Variants in TMEM150C observed in about 807,000 individuals in gnomAD.
TMEM150C encodes the protein tentonin 3.
Under a neutral mutation model 29.9 loss-of-function variants are expected in TMEM150C, and 10 were observed. The observed-to-expected ratio is 0.33, with a 90% CI of 0.21 to 0.57. The LOEUF (loss-of-function observed/expected upper bound fraction) is 0.57. Ranked by LOEUF, TMEM150C falls within the 20% of genes least tolerant of loss-of-function variation. TMEM150C has a pLI of 0.88. For synonymous variants in TMEM150C, 101 were observed against 112.5 expected (o/e 0.90, Z 0.64); for missense variants, 251 against 303.6 (o/e 0.83, Z 1.29).
At chr4:82,522,288 T>C (rs528823233) in intron 1 of TMEM150C, among the ~76,000 whole-genome samples, 1 of 152,230 alleles carries the variant, frequency 6.6e-6, no homozygotes, top group African/African-American at 2.4e-5. Flanking sequence ...TGAAACAATG[T>C]AGAGAGACGA....
At chr4:82,498,015 T>C (rs1477883085) in intron 5 of TMEM150C, among the ~76,000 whole-genome samples, 1 of 92,850 alleles carries the variant, frequency 1.1e-5, no homozygotes, top group Non-Finnish European at 1.9e-5. Flanking sequence ...GACAGCACAC[T>C]TAATTTTTTT....
Position 82,485,250 on chromosome 4 carries a change from A to G in TMEM150C, c.*261T>C, listed in dbSNP as rs1723120867. On this transcript the variant is annotated 3_prime_UTR_variant, in exon 8 of 8. Transcript: ENST00000449862. ...GGAGGGAGTGCTGGGAAGGGGACGG[A>G]TAAGAAGTGATCATGCACAAGCTTC... 2 of 435,046 alleles carry G rather than the reference A, an allele frequency of 4.6e-6. No individual in the cohort carries two copies. The highest frequency in any genetic ancestry group is 8.5e-6 in the Non-Finnish European group (2 of 235,116). The allele number at this position is 435,046 out of a possible 1,614,324, so 26.9% of individuals were successfully genotyped here.
chr4:82,550,374 C>T (rs1247677580), intron 1 of TMEM150C, among the ~76,000 whole-genome samples: 1 of 152,162 alleles, frequency 6.6e-6, no homozygotes, highest in Non-Finnish European at 1.5e-5. Context: ...AAATTACCCA[C>T]TCTTGGGCCG....
At chr4:82,520,816 T>C (rs1320804523) in intron 1 of TMEM150C, among the ~76,000 whole-genome samples, 1 of 152,158 alleles carries the variant, frequency 6.6e-6, no homozygotes, top group Non-Finnish European at 1.5e-5. Flanking sequence ...GAGGATACAA[T>C]AAGCACTATG....
chr4:82,537,207 G>A (rs1339206836), intron 1 of TMEM150C, among the ~76,000 whole-genome samples: 6 of 151,980 alleles, frequency 3.9e-5, no homozygotes, highest in African/African-American at 7.2e-5. Flanking sequence ...GGATGGTCTC[G>A]ATCTCCTGAC....
chr4:82,553,820 C>A (rs1353259613), intron 1 of TMEM150C, among the ~76,000 whole-genome samples: 1 of 152,200 alleles, frequency 6.6e-6, no homozygotes, highest in Non-Finnish European at 1.5e-5. Context: ...ATAACTGTAT[C>A]ATTCTGCGAA....
At chr4:82,498,706 G>A (rs1214067856) in intron 5 of TMEM150C, among the ~76,000 whole-genome samples, 1 of 152,118 alleles carries the variant, frequency 6.6e-6, no homozygotes, top group Non-Finnish European at 1.5e-5. Context: ...TTCCTGAAAT[G>A]GCTCTTCATG....
intron 6 of TMEM150C, among the ~76,000 whole-genome samples, chr4:82,492,328 A>G (rs1422477324): frequency 2.6e-5 from 4 of 151,596 alleles, no homozygotes; most frequent in Non-Finnish European, 4.4e-5. Context: ...GGGTTTCACC[A>G]TGTTGACCAG....
At chr4:82,557,373 G>A (rs916187082) in intron 1 of TMEM150C, among the ~76,000 whole-genome samples, 1 of 152,080 alleles carries the variant, frequency 6.6e-6, no homozygotes, top group Non-Finnish European at 1.5e-5. Flanking sequence ...TGGAGCCAGG[G>A]GTACCCATTT....
rs1723100139 is a variant in TMEM150C at position 82,484,580 on chromosome 4, A to C, written c.*931T>G. The C allele has an allele frequency of 6.6e-6, 1 of 152,008 alleles. No homozygotes were observed. 9.4% of individuals were successfully genotyped at this position (152,008 alleles called of 1,614,324 possible). On this transcript the variant is annotated 3_prime_UTR_variant, in exon 8 of 8. Transcript: ENST00000449862. ...CCATATTTCTTTCCATTTTTCTGTGATATTTTCTTAGCTTCCCACGTAAGC... is the reference window on the plus strand; with the variant it reads ...CCATATTTCTTTCCATTTTTCTGTGCTATTTTCTTAGCTTCCCACGTAAGC...
intron 1 of TMEM150C, among the ~76,000 whole-genome samples, chr4:82,522,948 T>A (rs1724534334): frequency 1.3e-5 from 2 of 151,594 alleles, no homozygotes; most frequent in Non-Finnish European, 2.9e-5. Context: ...AAGGCTGGGG[T>A]TTTTTTGCTA....
chr4:82,551,960 A>G (rs1431807027), intron 1 of TMEM150C, among the ~76,000 whole-genome samples: 1 of 152,190 alleles, frequency 6.6e-6, no homozygotes, highest in Non-Finnish European at 1.5e-5. Context: ...CTGATCCTTC[A>G]TAAATGTCTT....
chr4:82,562,073 A>T, upstream of TMEM150C: 1 of 1,172,504 alleles, frequency 8.5e-7, no homozygotes, highest in Non-Finnish European at 1.1e-6. Flanking sequence ...CCCCCGACTT[A>T]TTCTGGGGTC....
chr4:82,495,690 G>C (rs1475887575), intron 6 of TMEM150C: 2 of 294,686 alleles, frequency 6.8e-6, no homozygotes, highest in African/African-American at 4.4e-5. Context: ...TACCCTGCTT[G>C]TTGTTCCCAC....
At chr4:82,558,098 A>G (rs1199531078) in intron 1 of TMEM150C, among the ~76,000 whole-genome samples, 1 of 151,988 alleles carries the variant, frequency 6.6e-6, no homozygotes, top group Non-Finnish European at 1.5e-5. Context: ...ATCAATGCCA[A>G]TTGCCACTTT....
At position 82,531,194 on chromosome 4, in the gene TMEM150C, G is replaced by C. The variant is rs183741447; in HGVS notation, c.-10-26527C>G. Among the ~76,000 whole-genome samples, 69 of 152,294 alleles carry C rather than the reference G, an allele frequency of 4.5e-4. 1 individual carries two copies. Among genetic ancestry groups the C allele is most frequent in the African/African-American group, 1.6e-3 (67 of 41,570 alleles). On this transcript the variant is annotated intron_variant, in intron 1 of 7. Transcript: ENST00000449862. ...GTAACTAAGACAGGAATAGCAAGAA[G>C]AAAAATAAGGTGCCTGAAGAAACCC... is the stretch of plus-strand genomic sequence containing the variant.
Position 82,502,932 on chromosome 4 carries a change from AT to A in TMEM150C, c.135-6del. 2 of 1,587,428 alleles carry A rather than the reference AT, an allele frequency of 1.3e-6. No individual in the cohort carries two copies. Among genetic ancestry groups the A allele is most frequent in the Non-Finnish European group, 8.6e-7 (1 of 1,166,960 alleles). ...GCATGCTTCACACCAGGTTTCCTGG[AT>A]AATAAAAAAAAAAAACACAGAAGCT... On this transcript the variant is annotated splice_region_variant and splice_polypyrimidine_tract_variant and intron_variant, in intron 3 of 7. Coordinates refer to ENST00000449862, the MANE Select transcript of TMEM150C (RefSeq NM_001080506.3).
chr4:82,504,827 G>C (rs1015608131), intron 1 of TMEM150C, among the ~76,000 whole-genome samples, 160 bp from the exon 2 acceptor site: 1 of 152,132 alleles, frequency 6.6e-6, no homozygotes, highest in African/African-American at 2.4e-5. Context: ...TCAGGAGATC[G>C]AGACCATCCT....
intron 1 of TMEM150C, among the ~76,000 whole-genome samples, chr4:82,528,422 C>T (rs186960339): frequency 7.8e-4 from 119 of 152,262 alleles, no homozygotes; most frequent in Non-Finnish European, 1.2e-3. Context: ...GGCCTGGGGA[C>T]CACACTTTGA....
Sources: gnomAD v4.1 joint callset for allele counts (sites outside exome capture counted in the v4.1 genomes callset) on GRCh38, gnomAD v4.1.1 for gene constraint, MANE v1.5 for transcripts, NCBI Gene and HGNC (gene_info 2026-07-23, HGNC 2026-07-21) for gene names.